Variants in POLD3 observed in about 807,000 individuals in gnomAD.
POLD3 encodes DNA polymerase delta 3, accessory subunit, also known as DNA polymerase delta subunit 3.
POLD3 carries 19 observed loss-of-function variants against 58.2 expected under a neutral mutation model. The observed-to-expected ratio is 0.33, with a 90% CI of 0.23 to 0.48. POLD3 has a LOEUF of 0.48. Ranked by LOEUF, POLD3 falls within the 20% of genes least tolerant of loss-of-function variation. The pLI, the probability that POLD3 is intolerant of heterozygous loss-of-function variation, is 0.99. For synonymous variants in POLD3, 172 were observed against 193.5 expected (o/e 0.89, Z 0.92); for missense variants, 504 against 545.5 (o/e 0.92, Z 0.76).
rs1414095322 is a variant in POLD3 at position 74,629,309 on chromosome 11, G to T, written c.992G>T (p.Ser331Ile). The T allele has an allele frequency of 6.3e-7, 1 of 1,598,644 alleles. No homozygotes were observed. The highest frequency in any genetic ancestry group is 1.1e-5 in the South Asian group (1 of 90,390). The change falls in exon 9 of 12, where the codon AGC (serine) becomes ATC (isoleucine). Residue 331 changes from serine to isoleucine, a missense_variant. Around this residue, in one of 2 missense-constraint regions of POLD3, gnomAD observed 385 missense variants for 370.5 expected, o/e 1.04. Transcript: ENST00000263681. ...AGAATCAAACTTCCTGAATCTGATA[G>T]CAGTGAAGATGAAGGTGGGCATTAC... Reference protein sequence around the residue: ...RRRIKLPESDSSEDEVFPDSP... With the variant: ...RRRIKLPESDISEDEVFPDSP...
At chr11:74,593,918 C>T (rs1013317092) in intron 1 of POLD3, 143 bp from the exon 2 acceptor site, 1 of 565,838 alleles carries the variant, frequency 1.8e-6, no homozygotes, top group Non-Finnish European at 3.2e-6. Context: ...ATAGATAGTT[C>T]TTGGGAAAAC....
At chr11:74,631,553 C>T (rs111340376) in intron 9 of POLD3, among the ~76,000 whole-genome samples, 1 of 139,406 alleles carries the variant, frequency 7.2e-6, no homozygotes, top group Non-Finnish European at 1.5e-5. Context: ...GATGCGATCT[C>T]GGCTCACTGC....
At chr11:74,596,310 G>C (rs945997452) in intron 2 of POLD3, among the ~76,000 whole-genome samples, 8 of 150,504 alleles carry the variant, frequency 5.3e-5, no homozygotes, top group Non-Finnish European at 1.2e-4. Context: ...CAACCTCCGA[G>C]GTAGCTGGGA....
chr11:74,598,911 G>T (rs1472892472), intron 2 of POLD3, among the ~76,000 whole-genome samples: 1 of 152,172 alleles, frequency 6.6e-6, no homozygotes, highest in Non-Finnish European at 1.5e-5. Flanking sequence ...ATGTAGAAGA[G>T]CATATGGAAT....
chr11:74,640,437 GAGTCCTA>G, intron 11 of POLD3, 120 bp from the exon 12 acceptor site: 1 of 1,116,418 alleles, frequency 9.0e-7, no homozygotes, highest in Non-Finnish European at 1.2e-6. Context: ...GAGAAAGATT[GAGTCCTA>G]AGTAAGCATA....
At chr11:74,661,973 A>AT (rs1375560073) in intron 4 of POLD3, among the ~76,000 whole-genome samples, 1 of 152,144 alleles carries the variant, frequency 6.6e-6, no homozygotes, top group African/African-American at 2.4e-5. Context: ...CCACCACCAC[A>AT]GGCCCATGGG....
chr11:74,599,520 C>T (rs573367493), intron 2 of POLD3, among the ~76,000 whole-genome samples: 2 of 151,964 alleles, frequency 1.3e-5, no homozygotes, highest in Non-Finnish European at 2.9e-5. Context: ...CCTGCCACCA[C>T]GCCTGGCTAA....
chr11:74,604,401 A>T (rs1265225166), intron 2 of POLD3, among the ~76,000 whole-genome samples: 2 of 152,294 alleles, frequency 1.3e-5, no homozygotes, highest in South Asian at 2.1e-4. Flanking sequence ...ATTATGTATC[A>T]TTGCCACTGT....
At chr11:74,623,752 A>G (rs866441192) in intron 7 of POLD3, among the ~76,000 whole-genome samples, 1 of 152,218 alleles carries the variant, frequency 6.6e-6, no homozygotes, top group African/African-American at 2.4e-5. Flanking sequence ...TAAAAAGGAA[A>G]TGCTTTTAAT....
intron 4 of POLD3, among the ~76,000 whole-genome samples, chr11:74,657,605 G>A (rs1490525616): frequency 6.6e-6 from 1 of 152,046 alleles, no homozygotes; most frequent in Non-Finnish European, 1.5e-5. Flanking sequence ...TTATTGTACT[G>A]TATGTCTTGA....
chr11:74,620,227 T>A, intron 7 of POLD3, 138 bp downstream of exon 7: 2 of 664,564 alleles, frequency 3.0e-6, no homozygotes, highest in Non-Finnish European at 5.4e-6. Flanking sequence ...TCCAGTGTAC[T>A]GCCCAATATA....
chr11:74,610,201 C>T (rs939976975), intron 3 of POLD3, among the ~76,000 whole-genome samples: 4 of 150,086 alleles, frequency 2.7e-5, no homozygotes, highest in African/African-American at 9.8e-5. Context: ...GTTCCTACCA[C>T]TTGCCCTTTT....
chr11:74,609,876 C>G lies in POLD3; in HGVS notation c.220-1623C>G, dbSNP rs1168976052. Among the ~76,000 whole-genome samples, 7 of 152,182 alleles carry G rather than the reference C, an allele frequency of 4.6e-5. No homozygotes were observed. In the East Asian group the frequency reaches 1.4e-3, roughly 29 times the overall value. ...ACATAGTGCCACATTGATAGATATA[C>G]CTTAGCTTATTCAGCAATCCCTTAT... On this transcript the variant is annotated intron_variant, in intron 3 of 11. Coordinates refer to ENST00000263681, the MANE Select transcript of POLD3 (RefSeq NM_006591.3).
chr11:74,658,094 T>C (rs2033159914), intron 4 of POLD3, among the ~76,000 whole-genome samples: 1 of 152,178 alleles, frequency 6.6e-6, no homozygotes, highest in African/African-American at 2.4e-5. Context: ...TACCTGAAAC[T>C]GGGAACAAAA....
intron 4 of POLD3, 25 bp downstream of exon 4, chr11:74,611,563 GT>G (rs2031911661): frequency 1.4e-6 from 2 of 1,423,220 alleles, no homozygotes; most frequent in Non-Finnish European, 2.0e-6. Context: ...GACTTAGCAA[GT>G]TTTTCCTCTT....
intron 1 of POLD3, among the ~76,000 whole-genome samples, chr11:74,593,669 A>G (rs200712327): frequency 6.6e-6 from 1 of 152,156 alleles, no homozygotes; most frequent in East Asian, 1.9e-4. Flanking sequence ...TTTCTTTAGA[A>G]GTTTCTGAGA....
intron 2 of POLD3, among the ~76,000 whole-genome samples, 162 bp downstream of exon 2, chr11:74,594,278 G>C (rs1210380891): frequency 6.6e-6 from 1 of 152,080 alleles, no homozygotes; most frequent in Non-Finnish European, 1.5e-5. Flanking sequence ...TCCAATCTCT[G>C]CCTTCATTGT....
intron 4 of POLD3, among the ~76,000 whole-genome samples, chr11:74,655,759 C>G (rs1345012702): frequency 6.6e-6 from 1 of 151,934 alleles, no homozygotes; most frequent in Non-Finnish European, 1.5e-5. Context: ...ATATATCATA[C>G]TTTGTGATGA....
intron 5 of POLD3, among the ~76,000 whole-genome samples, chr11:74,615,878 C>T (rs1184196500): frequency 6.6e-6 from 1 of 151,966 alleles, no homozygotes; most frequent in Non-Finnish European, 1.5e-5. Context: ...TAATGATAGA[C>T]ATTAGTTCTT....
Sources: allele counts gnomAD v4.1 joint callset (sites outside exome capture counted in the v4.1 genomes callset), GRCh38; gene constraint gnomAD v4.1.1; regional missense constraint gnomAD v4.1.1; transcripts MANE v1.5; gene names NCBI Gene and HGNC (gene_info 2026-07-23, HGNC 2026-07-21).